The following GPHN variants were observed in gnomAD, a reference collection of about 807,000 sequenced individuals.
GPHN encodes gephyrin.
A neutral mutation model predicts 95.5 loss-of-function variants in GPHN; 17 were observed. That is an observed-to-expected ratio of 0.18 (90% confidence interval 0.12 to 0.27). The LOEUF (loss-of-function observed/expected upper bound fraction) is 0.27. Among genes scored for constraint, GPHN ranks in the 10% least tolerant of loss-of-function variants. The probability of loss-of-function intolerance (pLI) is 1.00; values close to 1 mark genes in which losing one functional copy is unlikely to be tolerated. For missense variants in GPHN, 660 were observed against 978.1 expected, an observed-to-expected ratio of 0.67 and a Z score of 4.34; for synonymous variants, 320 against 322.5, an observed-to-expected ratio of 0.99 and a Z score of 0.08.
intron 9 of GPHN, chr14:66,996,103 T>G (rs188531686): frequency 6.9e-6 from 7 of 1,015,522 alleles, no homozygotes; most frequent in African/African-American, 1.6e-5. Context: ...TGGAGCCATC[T>G]AAACCCTCTG....
rs186233250 is a variant in GPHN at position 66,625,268 on chromosome 14, G to T, written c.65-55839G>T. 3.9e-5 allele frequency among the ~76,000 whole-genome samples: 6 copies of T among 152,110 alleles called. No homozygotes were observed. In the East Asian group the frequency reaches 9.7e-4, roughly 25 times the overall value. On this transcript the variant is annotated intron_variant, in intron 1 of 22. Coordinates refer to ENST00000478722, the MANE Select transcript of GPHN (RefSeq NM_020806.5). ...TTTATAATTTTTTTGTAGAGACAGGGTCTCACTATGTTGCCAAGGGTCTCG... is the reference window on the plus strand; with the variant it reads ...TTTATAATTTTTTTGTAGAGACAGGTTCTCACTATGTTGCCAAGGGTCTCG...
chr14:67,093,061 T>C (rs1173112575), intron 12 of GPHN, among the ~76,000 whole-genome samples: 2 of 152,102 alleles, frequency 1.3e-5, no homozygotes, highest in East Asian at 3.8e-4. Context: ...AGAGCTTATT[T>C]TGGGATCATT....
chr14:66,890,196 G>A (rs2064403572), intron 5 of GPHN, among the ~76,000 whole-genome samples: 1 of 152,080 alleles, frequency 6.6e-6, no homozygotes, highest in Non-Finnish European at 1.5e-5. Context: ...TGGATCACTT[G>A]AGCACAGCAA....
rs544702453 is a variant in GPHN at position 66,685,584 on chromosome 14, T to C, written c.143+4399T>C. Among the ~76,000 whole-genome samples the C allele has an allele frequency of 2.6e-5, 4 of 152,304 alleles. No homozygotes were observed. The East Asian group carries it at 7.7e-4, about 29-fold the overall frequency. On this transcript the variant is annotated intron_variant, in intron 2 of 22. Transcript: ENST00000478722. ...GTGTCTGTTCATATCCTTCACCCAC[T>C]TTTTGATGGGGTTGTTTTTTTCTTG...
chr14:66,938,910 A>T (rs1184252485), intron 8 of GPHN, among the ~76,000 whole-genome samples: 2 of 152,210 alleles, frequency 1.3e-5, no homozygotes, highest in Non-Finnish European at 2.9e-5. Flanking sequence ...TGGTCAAATG[A>T]TTTTTGACCA....
At chr14:67,332,473 G>C in the GPHN span, among the ~76,000 whole-genome samples, 1 of 152,204 alleles carries the variant, frequency 6.6e-6, no homozygotes, top group Non-Finnish European at 1.5e-5. Context: ...AATGTTTGTA[G>C]GGAAACAGTG....
chr14:66,785,106 G>A (rs1348319423), intron 3 of GPHN, among the ~76,000 whole-genome samples: 1 of 152,144 alleles, frequency 6.6e-6, no homozygotes, highest in Non-Finnish European at 1.5e-5. Context: ...AGTGGCTTAC[G>A]CCTGTAATCC....
chr14:67,053,246 A>G (rs1235237244), intron 10 of GPHN, among the ~76,000 whole-genome samples: 1 of 151,172 alleles, frequency 6.6e-6, no homozygotes, highest in Non-Finnish European at 1.5e-5. Flanking sequence ...AAGAGAGAAG[A>G]ATCAAATAGA....
the GPHN span, among the ~76,000 whole-genome samples, chr14:67,332,573 C>T: frequency 6.6e-6 from 1 of 151,878 alleles, no homozygotes; most frequent in Non-Finnish European, 1.5e-5. Context: ...ATATTGAGTC[C>T]CAGATGGTTC....
intron 4 of GPHN, among the ~76,000 whole-genome samples, chr14:66,855,282 C>A (rs748594796): frequency 6.6e-6 from 1 of 152,116 alleles, no homozygotes; most frequent in Non-Finnish European, 1.5e-5. Context: ...AATAACTCCC[C>A]ATTTCTTCCT....
chr14:66,917,467 A>G (rs1411155611), intron 6 of GPHN, among the ~76,000 whole-genome samples: 4 of 152,134 alleles, frequency 2.6e-5, no homozygotes, highest in Admixed American at 2.0e-4. Context: ...TATTTCCCTT[A>G]CTGCATAACC....
chr14:67,181,025 A>G lies in GPHN; in HGVS notation c.*88A>G, dbSNP rs2083301582. On this transcript the variant is annotated 3_prime_UTR_variant, in exon 23 of 23. Transcript: ENST00000478722. ...TGCAACGGCACAGCTAGTTTTCCCG[A>G]TTTGGATAAAAGTTGATCTGTATAG... 12 of 1,305,370 alleles carry G rather than the reference A, an allele frequency of 9.2e-6. No homozygotes were observed. Among genetic ancestry groups the G allele is most frequent in the Non-Finnish European group, 1.2e-5 (11 of 904,910 alleles). The allele number at this position is 1,305,370 out of a possible 1,614,324, so 80.9% of individuals were successfully genotyped here. A position where few individuals can be genotyped will look rare whatever the true frequency, so the allele number is the denominator to read the frequency against.
At chr14:66,636,213 TA>T (rs1221576301) in intron 1 of GPHN, among the ~76,000 whole-genome samples, 3 of 152,150 alleles carry the variant, frequency 2.0e-5, no homozygotes, top group Non-Finnish European at 2.9e-5. Flanking sequence ...ATAAATCATA[TA>T]AACAGGTGAC....
At chr14:66,914,134 T>C (rs2065800961) in intron 5 of GPHN, among the ~76,000 whole-genome samples, 1 of 152,024 alleles carries the variant, frequency 6.6e-6, no homozygotes. Flanking sequence ...TATGCATACA[T>C]ACACACACAC....
intron 17 of GPHN, among the ~76,000 whole-genome samples, chr14:67,137,507 T>C (rs1311002915): frequency 6.6e-6 from 1 of 152,096 alleles, no homozygotes; most frequent in Non-Finnish European, 1.5e-5. Context: ...CTCATGCCTG[T>C]AATCCCAGCA....
chr14:67,108,262 C>T (rs1193388255), intron 13 of GPHN, among the ~76,000 whole-genome samples: 1 of 152,180 alleles, frequency 6.6e-6, no homozygotes, highest in African/African-American at 2.4e-5. Context: ...CCCTAACCAT[C>T]ACCAAACTGC....
chr14:66,837,876 T>C (rs1344196966), intron 4 of GPHN, among the ~76,000 whole-genome samples: 1 of 152,050 alleles, frequency 6.6e-6, no homozygotes, highest in Non-Finnish European at 1.5e-5. Context: ...GCTCAGCTTT[T>C]ATGGGGCCCT....
chr14:67,116,224 C>T (rs2078681699), intron 16 of GPHN, among the ~76,000 whole-genome samples: 1 of 150,894 alleles, frequency 6.6e-6, no homozygotes, highest in South Asian at 2.1e-4. Flanking sequence ...GCGCAATGAC[C>T]ATTCCACTGT....
the GPHN span, among the ~76,000 whole-genome samples, chr14:67,299,977 G>A: frequency 6.6e-6 from 1 of 152,116 alleles, no homozygotes; most frequent in Non-Finnish European, 1.5e-5. Context: ...AACTTTAAAA[G>A]GGAAAATACC....
Sources: allele counts gnomAD v4.1 joint callset (sites outside exome capture counted in the v4.1 genomes callset), GRCh38; gene constraint gnomAD v4.1.1; transcripts MANE v1.5; gene names NCBI Gene and HGNC (gene_info 2026-07-23, HGNC 2026-07-21).